KCNQ1OT1: variants seen among roughly 807,000 people sequenced by gnomAD.
KCNQ1OT1 encodes the protein KCNQ1 antisense RNA 2 (non-protein coding).
Position 2,670,423 on chromosome 11 carries a change from T to C in KCNQ1OT1, n.29572A>G. The C allele has an allele frequency of 2.5e-6, 1 of 397,864 alleles. No individual in the cohort carries two copies. The highest frequency in any genetic ancestry group is 4.4e-6 in the Non-Finnish European group (1 of 225,924). 24.6% of individuals were successfully genotyped at this position (397,864 alleles called of 1,614,324 possible). On this transcript the variant is annotated non_coding_transcript_exon_variant, in exon 1 of 1. Transcript: ENST00000597346. The surrounding 1 kb of genome is among the most constrained non-coding windows in gnomAD (Gnocchi z 4.9). ...ACTATGTGTATTTCTTGTGTTGGGG[T>C]TAGGAGATACTGCTGTTGGCTGAGA... is the stretch of plus-strand genomic sequence containing the variant.
In KCNQ1OT1 at chr11:2,691,056, A is replaced by G. The variant is rs7939976; in HGVS notation, n.8939T>C. The G allele has an allele frequency of 0.19, 74,389 of 398,444 alleles. 7,702 individuals carry two copies. Among genetic ancestry groups the G allele is most frequent in the African/African-American group, 0.3 (14,445 of 48,648 alleles). The allele number at this position is 398,444 out of a possible 1,614,324, so 24.7% of individuals were successfully genotyped here. A position where few individuals can be genotyped will look rare whatever the true frequency, so the allele number is the denominator to read the frequency against. On this transcript the variant is annotated non_coding_transcript_exon_variant, in exon 1 of 1. Coordinates refer to ENST00000597346, the Ensembl canonical transcript of KCNQ1OT1. The surrounding 1 kb of genome is among the most constrained non-coding windows in gnomAD (Gnocchi z 6.4). The stretch of plus-strand genomic sequence containing the variant: ...GTATCAGGATATGCTGGGTGAGGGA[A>G]ATAATGGAGGCACCTTTGTTCTAGA...
rs1047102307 is a variant in KCNQ1OT1 at position 2,645,595 on chromosome 11, G to A, written n.54400C>T. ...CAGGCAGTTGGGCAATGCATGCTTC[G>A]GCCCCAGGTGGTGACTATGGGCAGG... is the stretch of plus-strand genomic sequence containing the variant. On this transcript the variant is annotated non_coding_transcript_exon_variant, in exon 1 of 1. Transcript: ENST00000597346. The surrounding 1 kb of genome is among the most constrained non-coding windows in gnomAD (Gnocchi z 5.8). 1.4e-4 allele frequency: 56 copies of A among 398,674 alleles called. No individual in the cohort carries two copies. Among genetic ancestry groups the A allele is most frequent in the African/African-American group, 1.0e-3 (50 of 48,732 alleles). The allele number at this position is 398,674 out of a possible 1,614,324, so 24.7% of individuals were successfully genotyped here. A position where few individuals can be genotyped will look rare whatever the true frequency, so the allele number is the denominator to read the frequency against.
chr11:2,634,906 T>C (rs1442497053), exon 1 of KCNQ1OT1: 1 of 152,234 alleles, frequency 6.6e-6, no homozygotes, highest in Non-Finnish European at 1.5e-5. Flanking sequence ...ATTGTGGTTT[T>C]TTGATTTGCC....
In KCNQ1OT1 at chr11:2,698,622, C is replaced by A. The variant is rs570703231; in HGVS notation, n.1373G>T. The A allele has an allele frequency of 3.5e-5, 14 of 398,568 alleles. No individual in the cohort carries two copies. The South Asian group carries it at 1.3e-3, about 36-fold the overall frequency. 24.7% of individuals were successfully genotyped at this position (398,568 alleles called of 1,614,324 possible). ...CGACTTCAATTCCTGACTCCCATAC[C>A]CCACTGAGACCTCTAACCCCAATCC... On this transcript the variant is annotated non_coding_transcript_exon_variant, in exon 1 of 1. Coordinates refer to ENST00000597346, the Ensembl canonical transcript of KCNQ1OT1. The surrounding 1 kb of genome is among the most constrained non-coding windows in gnomAD (Gnocchi z 5.1).
rs1849957542 is a variant in KCNQ1OT1 at position 2,661,610 on chromosome 11, G to C, written n.38385C>G. ...GTTGTCCCTTACCAGGCCTGTGCCT[G>C]TCACCTCTGTTTTATTCTTGACCCA... On this transcript the variant is annotated non_coding_transcript_exon_variant, in exon 1 of 1. Transcript: ENST00000597346. The surrounding 1 kb of genome is among the most constrained non-coding windows in gnomAD (Gnocchi z 5.9). The C allele has an allele frequency of 6.9e-6, 4 of 581,556 alleles. No individual in the cohort carries two copies. The highest frequency in any genetic ancestry group is 3.0e-5 in the Admixed American group (1 of 33,336). 36.0% of individuals were successfully genotyped at this position (581,556 alleles called of 1,614,324 possible). A position where few individuals can be genotyped will look rare whatever the true frequency, so the allele number is the denominator to read the frequency against.
chr11:2,661,315 G>C lies in KCNQ1OT1; in HGVS notation n.38680C>G. ...TGATAGTGTCAACAGAGAGTGGGGA[G>C]TGATAAGGATCAGTATCCTGAGCTC... On this transcript the variant is annotated non_coding_transcript_exon_variant, in exon 1 of 1. Coordinates refer to ENST00000597346, the Ensembl canonical transcript of KCNQ1OT1. This position sits in a 1 kb window ranked among gnomAD's most constrained non-coding sequence, Gnocchi z 5.9. 1 of 401,630 alleles carries C rather than the reference G, an allele frequency of 2.5e-6. No individual in the cohort carries two copies. The highest frequency in any genetic ancestry group is 4.4e-6 in the Non-Finnish European group (1 of 227,808). 24.9% of individuals were successfully genotyped at this position (401,630 alleles called of 1,614,324 possible).
At chr11:2,646,040 C>G (rs148959077) in exon 1 of KCNQ1OT1, 29 of 398,518 alleles carry the variant, frequency 7.3e-5, no homozygotes, top group Middle Eastern at 6.2e-4. Context: ...TTCTGCACAT[C>G]GAGGAGTCTC....
At chr11:2,610,171 T>C in exon 1 of KCNQ1OT1, 1 of 397,978 alleles carries the variant, frequency 2.5e-6, no homozygotes, top group Non-Finnish European at 4.4e-6. Context: ...TTCAATATTC[T>C]ATTTGTTATT....
At chr11:2,686,987 G>A (rs918445532) in exon 1 of KCNQ1OT1, 9 of 398,534 alleles carry the variant, frequency 2.3e-5, no homozygotes, top group African/African-American at 6.2e-5. Flanking sequence ...ACAACACTGG[G>A]CCCTGACTTG....
exon 1 of KCNQ1OT1, chr11:2,643,774 C>G (rs990036425): frequency 2.5e-6 from 1 of 398,528 alleles, no homozygotes; most frequent in Non-Finnish European, 4.4e-6. Flanking sequence ...TTTGTAGTGC[C>G]AGTGTAGTGG....
chr11:2,680,214 A>G (rs1014942454), exon 1 of KCNQ1OT1: 13 of 398,030 alleles, frequency 3.3e-5, no homozygotes, highest in Non-Finnish European at 2.2e-5. Flanking sequence ...ATTAAAAAAA[A>G]AAAAAAAAAA....
exon 1 of KCNQ1OT1, chr11:2,655,945 C>T (rs12806930): frequency 2.5e-6 from 1 of 398,744 alleles, no homozygotes. Context: ...ACATTCCTCT[C>T]TGGCAGGTGC....
rs574926453 is a variant in KCNQ1OT1 at position 2,642,004 on chromosome 11, T to C, written n.57991A>G. On this transcript the variant is annotated non_coding_transcript_exon_variant, in exon 1 of 1. Coordinates refer to ENST00000597346, the Ensembl canonical transcript of KCNQ1OT1. This position sits in a 1 kb window ranked among gnomAD's most constrained non-coding sequence, Gnocchi z 4.3. ...ATTGGTCTATCAGTTTTTATTCCAATACCATGCTGCTTTTAATGCTATAGC... is the reference window on the plus strand; with the variant it reads ...ATTGGTCTATCAGTTTTTATTCCAACACCATGCTGCTTTTAATGCTATAGC... The C allele has an allele frequency of 2.5e-6, 1 of 398,462 alleles. No individual in the cohort carries two copies. The highest frequency in any genetic ancestry group is 1.3e-4 in the South Asian group (1 of 7,860). The allele number at this position is 398,462 out of a possible 1,614,324, so 24.7% of individuals were successfully genotyped here.
chr11:2,636,734 T>C (rs1849473165), exon 1 of KCNQ1OT1: 1 of 152,248 alleles, frequency 6.6e-6, no homozygotes, highest in African/African-American at 2.4e-5. Context: ...CTTTTTCTAT[T>C]GTTTGGAATA....
Position 2,663,102 on chromosome 11 carries a change from G to A in KCNQ1OT1, n.36893C>T. ...GAATGAGGCCACCTCCAGGGAAGGA[G>A]TGGCTATCTTAAGGGGTAATTATGA... On this transcript the variant is annotated non_coding_transcript_exon_variant, in exon 1 of 1. Coordinates refer to ENST00000597346, the Ensembl canonical transcript of KCNQ1OT1. This position sits in a 1 kb window ranked among gnomAD's most constrained non-coding sequence, Gnocchi z 5.2. 1 of 398,696 alleles carries A rather than the reference G, an allele frequency of 2.5e-6. No individual in the cohort carries two copies. Among genetic ancestry groups the A allele is most frequent in the Non-Finnish European group, 4.4e-6 (1 of 226,128 alleles). The allele number at this position is 398,696 out of a possible 1,614,324, so 24.7% of individuals were successfully genotyped here.
In KCNQ1OT1 at chr11:2,682,757, A is replaced by G. The variant is rs558934224; in HGVS notation, n.17238T>C. The G allele has an allele frequency of 3.8e-5, 15 of 398,636 alleles. 2 individuals are homozygous for G. In the South Asian group the frequency reaches 1.9e-3, roughly 51 times the overall value. 24.7% of individuals were successfully genotyped at this position (398,636 alleles called of 1,614,324 possible). ...CCCTTGAGCCCACTCATCTCTGTTGACATTCTAGAAATGCAGGGAAATCTG... is the reference window on the plus strand; with the variant it reads ...CCCTTGAGCCCACTCATCTCTGTTGGCATTCTAGAAATGCAGGGAAATCTG... On this transcript the variant is annotated non_coding_transcript_exon_variant, in exon 1 of 1. Transcript: ENST00000597346. This position sits in a 1 kb window ranked among gnomAD's most constrained non-coding sequence, Gnocchi z 5.8.
At chr11:2,684,636 A>G in exon 1 of KCNQ1OT1, 2 of 398,634 alleles carry the variant, frequency 5.0e-6, no homozygotes, top group Admixed American at 4.4e-5. Flanking sequence ...CCTTCCTTGA[A>G]GAAGGAACAG....
chr11:2,640,143 C>T (rs1849549720), exon 1 of KCNQ1OT1: 2 of 352,712 alleles, frequency 5.7e-6, no homozygotes, highest in Non-Finnish European at 1.0e-5. Flanking sequence ...TTCCCTGACC[C>T]CTTGTGCTTC....
rs773139231 is a variant in KCNQ1OT1 at position 2,626,768 on chromosome 11, T to G, written n.73227A>C. On this transcript the variant is annotated non_coding_transcript_exon_variant, in exon 1 of 1. Coordinates refer to ENST00000597346, the Ensembl canonical transcript of KCNQ1OT1. The surrounding 1 kb of genome is among the most constrained non-coding windows in gnomAD (Gnocchi z 4.0). ...GGTCTCAAACTCCTGGACTCAGAAG[T>G]CCTCCCACCTCAGCCTTCAAAAGTG... is the stretch of plus-strand genomic sequence containing the variant. 5 of 398,400 alleles carry G rather than the reference T, an allele frequency of 1.3e-5. No individual in the cohort carries two copies. The highest frequency in any genetic ancestry group is 2.2e-5 in the Non-Finnish European group (5 of 226,060). The allele number at this position is 398,400 out of a possible 1,614,324, so 24.7% of individuals were successfully genotyped here. A position where few individuals can be genotyped will look rare whatever the true frequency, so the allele number is the denominator to read the frequency against.
Sources: allele counts gnomAD v4.1 joint callset, GRCh38; gene constraint gnomAD v4.1.1; non-coding constraint Gnocchi (gnomAD v3.1); transcripts MANE v1.5; gene names NCBI Gene and HGNC (gene_info 2026-07-23, HGNC 2026-07-21).